The following SYBU variants were observed in gnomAD, a reference collection of about 807,000 sequenced individuals.
SYBU encodes GOLSYN A protein.
SYBU carries 21 observed loss-of-function variants against 35.9 expected under a neutral mutation model. That is an observed-to-expected ratio of 0.58 (90% confidence interval 0.41 to 0.84). The LOEUF (loss-of-function observed/expected upper bound fraction) is 0.84. Among genes scored for constraint, SYBU ranks in the 40% least tolerant of loss-of-function variants. The pLI is 0.00. For missense variants in SYBU, 768 were observed against 848.2 expected, an observed-to-expected ratio of 0.91 and a Z score of 1.17; for synonymous variants, 319 against 324.3, an observed-to-expected ratio of 0.98 and a Z score of 0.18.
rs1186552427 is a variant in SYBU at position 109,574,980 on chromosome 8, C to T, written c.1918G>A (p.Gly640Arg). ...ACGCAACAGCCCCTGAGCAAGGCCC[C>T]GATGTTATACACAGGATCCGTTCCC... is the stretch of plus-strand genomic sequence containing the variant. ...RGGTDPVYNI[G>R]ALLRGCCVVA... is the part of the protein sequence containing the mutation. The change falls in exon 7 of 7, where the codon GGG (glycine) becomes AGG (arginine). Residue 640 changes from glycine (G) to arginine (R), a missense_variant. Transcript: ENST00000276646. 2.6e-6 allele frequency: 4 copies of T among 1,541,830 alleles called. No homozygotes were observed. Among genetic ancestry groups the T allele is most frequent in the Non-Finnish European group, 2.6e-6 (3 of 1,143,856 alleles).
intron 1 of SYBU, among the ~76,000 whole-genome samples, chr8:109,687,540 C>T (rs1452857822): frequency 6.6e-6 from 1 of 152,078 alleles, no homozygotes; most frequent in East Asian, 1.9e-4. Context: ...AAGGGAAAGC[C>T]TGTAAAACAC....
chr8:109,644,065 G>C (rs1586929700), intron 1 of SYBU: 1 of 456,492 alleles, frequency 2.2e-6, no homozygotes, highest in East Asian at 7.0e-5. Flanking sequence ...AAGGGTCACG[G>C]CCAAAATAAA....
chr8:109,590,066 C>G (rs756167065), intron 3 of SYBU, among the ~76,000 whole-genome samples: 1 of 152,140 alleles, frequency 6.6e-6, no homozygotes, highest in Non-Finnish European at 1.5e-5. Flanking sequence ...CCCATCCCCC[C>G]AAAATACACA....
intron 3 of SYBU, among the ~76,000 whole-genome samples, 191 bp downstream of exon 3, chr8:109,618,651 T>C (rs1471403938): frequency 1.3e-5 from 2 of 152,234 alleles, no homozygotes; most frequent in Non-Finnish European, 2.9e-5. Context: ...TAGGTCACTA[T>C]AGTTACTCAG....
intron 1 of SYBU, among the ~76,000 whole-genome samples, chr8:109,654,041 C>T (rs374633565): frequency 1.1e-4 from 17 of 151,830 alleles, no homozygotes; most frequent in African/African-American, 3.2e-4. Context: ...ACTCAATGAA[C>T]GTTAGCTATT....
At chr8:109,631,434 CT>C (rs1001712367) in intron 2 of SYBU, among the ~76,000 whole-genome samples, 5 of 152,172 alleles carry the variant, frequency 3.3e-5, no homozygotes, top group African/African-American at 1.2e-4. Context: ...TATTTTGGAG[CT>C]TCGAGTGCTC....
chr8:109,668,482 C>T (rs1325258769), intron 1 of SYBU, among the ~76,000 whole-genome samples: 1 of 152,136 alleles, frequency 6.6e-6, no homozygotes, highest in African/African-American at 2.4e-5. Flanking sequence ...ATTACTATGA[C>T]TTGCTTTCCT....
chr8:109,642,658 TG>T, intron 2 of SYBU, 69 bp downstream of exon 2: 1 of 1,072,194 alleles, frequency 9.3e-7, no homozygotes, highest in Non-Finnish European at 1.3e-6. Context: ...GGACCCAGTA[TG>T]GGCCCATTCA....
rs1554628119 is a variant in SYBU at position 109,668,165 on chromosome 8, G to GGAGGGA, written c.-129+12545_-129+12546insTCCCTC. 4.4e-4 allele frequency among the ~76,000 whole-genome samples: 39 copies of GGAGGGA among 89,048 alleles called. 2 individuals are homozygous for GGAGGGA. Among genetic ancestry groups the GGAGGGA allele is most frequent in the Admixed American group, 1.3e-3 (9 of 6,862 alleles). The allele number at this position is 89,048 out of a possible 152,430, so 58.4% of individuals were successfully genotyped here. On this transcript the variant is annotated intron_variant, in intron 1 of 5. Transcript: ENST00000408889. Reference sequence around the variant, plus strand: ...GAAGAAGAGGCAGAGGGGGAGAGGGGGAGAGAGAGAGAGAGAGAGAGAGAG... The same window carrying GGAGGGA: ...GAAGAAGAGGCAGAGGGGGAGAGGGGGAGGGAGAGAGAGAGAGAGAGAGAGAGAGAG...
intron 3 of SYBU, among the ~76,000 whole-genome samples, chr8:109,592,526 G>A (rs1413726030): frequency 2.0e-5 from 3 of 152,180 alleles, no homozygotes; most frequent in Non-Finnish European, 4.4e-5. Context: ...AGAAAGGGAG[G>A]AGGCCTTAAG....
intron 2 of SYBU, 57 bp downstream of exon 2, chr8:109,642,671 A>AATGC (rs1815044180): frequency 6.4e-6 from 8 of 1,254,410 alleles, no homozygotes; most frequent in African/African-American, 1.5e-5. Context: ...GCCCATTCAC[A>AATGC]ATGCACCTGC....
At chr8:109,606,283 A>C (rs1826058192) in intron 3 of SYBU, among the ~76,000 whole-genome samples, 1 of 152,208 alleles carries the variant, frequency 6.6e-6, no homozygotes, top group Non-Finnish European at 1.5e-5. Context: ...TGTAAAAATG[A>C]TGATAACGTT....
Position 109,691,428 on chromosome 8 carries a change from G to A in SYBU, c.-153C>T, listed in dbSNP as rs951801032. On this transcript the variant is annotated 5_prime_UTR_variant, in exon 1 of 8. Transcript: ENST00000422135. This position sits in a 1 kb window ranked among gnomAD's most constrained non-coding sequence, Gnocchi z 4.7. ...CCCCGGCTGGGCCGGGTGCCGGTGC[G>A]GACGGGACCCCGCGTCGCTGCTGGT... is the stretch of plus-strand genomic sequence containing the variant. 5.9e-6 allele frequency: 4 copies of A among 674,960 alleles called. No individual in the cohort carries two copies. Among genetic ancestry groups the A allele is most frequent in the African/African-American group, 1.9e-5 (1 of 53,870 alleles). The allele number at this position is 674,960 out of a possible 1,614,324, so 41.8% of individuals were successfully genotyped here.
At chr8:109,607,009 A>G (rs1826136400) in intron 3 of SYBU, among the ~76,000 whole-genome samples, 2 of 152,230 alleles carry the variant, frequency 1.3e-5, no homozygotes, top group Admixed American at 1.3e-4. Flanking sequence ...ATATATGTGA[A>G]CAATCTAAAT....
intron 2 of SYBU, among the ~76,000 whole-genome samples, chr8:109,626,796 G>A (rs1185455439): frequency 6.6e-6 from 1 of 152,180 alleles, no homozygotes; most frequent in Non-Finnish European, 1.5e-5. Flanking sequence ...TGTAGTCCCA[G>A]CGGAGGTTGC....
At chr8:109,683,940 CT>C (rs1404104527), upstream of SYBU, among the ~76,000 whole-genome samples, 1 of 152,174 alleles carries the variant, frequency 6.6e-6, no homozygotes, top group Non-Finnish European at 1.5e-5. Flanking sequence ...TTTGCCTTCT[CT>C]TCCACTATGA....
At chr8:109,603,370 T>A (rs1167198746) in intron 3 of SYBU, 22 of 983,254 alleles carry the variant, frequency 2.2e-5, no homozygotes, top group Non-Finnish European at 2.5e-5. Flanking sequence ...TGGATTTTGC[T>A]CTGCTCACAA....
At chr8:109,686,911 A>G (rs773252450) in intron 1 of SYBU, among the ~76,000 whole-genome samples, 1 of 152,178 alleles carries the variant, frequency 6.6e-6, no homozygotes, top group Non-Finnish European at 1.5e-5. Context: ...CATTTGGAAT[A>G]TTCTTATTTT....
At chr8:109,595,738 G>C (rs762313848) in intron 3 of SYBU, among the ~76,000 whole-genome samples, 1 of 152,234 alleles carries the variant, frequency 6.6e-6, no homozygotes, top group Non-Finnish European at 1.5e-5. Flanking sequence ...ACAGCACACA[G>C]AGATGGTAAT....
Sources: gnomAD v4.1 joint callset for allele counts (sites outside exome capture counted in the v4.1 genomes callset) on GRCh38, gnomAD v4.1.1 for gene constraint, Gnocchi (gnomAD v3.1) non-coding constraint, MANE v1.5 for transcripts, NCBI Gene and HGNC (gene_info 2026-07-23, HGNC 2026-07-21) for gene names.